Variants in ITGA2 observed in about 807,000 individuals in gnomAD.
The protein encoded by ITGA2 is integrin subunit alpha 2, also known as integrin alpha-2.
A neutral mutation model predicts 146.3 loss-of-function variants in ITGA2; 101 were observed. That is an observed-to-expected ratio of 0.69 (90% CI 0.59 to 0.81). The LOEUF is 0.81. Ranked by LOEUF, ITGA2 falls within the 40% of genes least tolerant of loss-of-function variation. The pLI is 0.00. For missense variants in ITGA2, 1,281 were observed against 1,402.7 expected, an observed-to-expected ratio of 0.91 and a Z score of 1.39; for synonymous variants, 477 against 487.1, an observed-to-expected ratio of 0.98 and a Z score of 0.27.
intron 1 of ITGA2, among the ~76,000 whole-genome samples, chr5:53,018,346 G>T (rs896392480): frequency 6.6e-6 from 1 of 152,136 alleles, no homozygotes; most frequent in Admixed American, 6.5e-5. Flanking sequence ...TCAGGTGTCC[G>T]TGGGGGTCGT....
chr5:53,088,498 C>T (rs1405333009), intron 28 of ITGA2, among the ~76,000 whole-genome samples: 1 of 151,934 alleles, frequency 6.6e-6, no homozygotes, highest in Non-Finnish European at 1.5e-5. Flanking sequence ...CCAGCTTGGC[C>T]AACATAGTGA....
chr5:53,090,429 G>C, intron 29 of ITGA2, 90 bp from the exon 30 acceptor site: 1 of 996,840 alleles, frequency 1.0e-6, no homozygotes. Flanking sequence ...TCCCAGAGGT[G>C]CATCAGAGGA....
chr5:53,042,268 A>G (rs776632338), intron 3 of ITGA2, 47 bp downstream of exon 3: 3 of 1,119,662 alleles, frequency 2.7e-6, no homozygotes, highest in Non-Finnish European at 4.1e-6. Context: ...CTTAGACTCA[A>G]CTGAAAAATA....
chr5:53,026,869 G>A lies in ITGA2; in HGVS notation c.185+1G>A. ...AGTTTATAAATCCAAAAGGCAACTG[G>A]TAAGAATATTCTCTTCTTTATGATT... On this transcript the variant is annotated splice_donor_variant, in intron 2 of 29. Coordinates refer to ENST00000296585, the MANE Select transcript of ITGA2 (RefSeq NM_002203.4). LOFTEE classifies it high-confidence loss of function. 1 of 1,610,798 alleles carries A rather than the reference G, an allele frequency of 6.2e-7. No individual in the cohort carries two copies. Among genetic ancestry groups the A allele is most frequent in the Non-Finnish European group, 8.5e-7 (1 of 1,177,120 alleles).
intron 1 of ITGA2, among the ~76,000 whole-genome samples, chr5:52,992,570 C>T (rs1369114029): frequency 1.3e-5 from 2 of 152,184 alleles, no homozygotes; most frequent in African/African-American, 4.8e-5. Context: ...CCCATGTTTT[C>T]AACCTCACAG....
intron 4 of ITGA2, among the ~76,000 whole-genome samples, chr5:53,045,337 A>G (rs1744024274): frequency 1.3e-5 from 2 of 152,222 alleles, no homozygotes; most frequent in Non-Finnish European, 2.9e-5. Context: ...AAGAACCCTG[A>G]TTCTTTGCCC....
intron 6 of ITGA2, 83 bp downstream of exon 6, chr5:53,048,853 A>G (rs2111914035): frequency 6.9e-7 from 1 of 1,452,624 alleles, no homozygotes; most frequent in Non-Finnish European, 9.5e-7. Flanking sequence ...TAATTTTTGT[A>G]TTTGCCAAAT....
At chr5:53,053,782 T>G (rs772551261) in intron 7 of ITGA2, among the ~76,000 whole-genome samples, 5 of 152,172 alleles carry the variant, frequency 3.3e-5, no homozygotes, top group Non-Finnish European at 7.3e-5. Context: ...TGTCTGTCTC[T>G]CATCTCTTTC....
chr5:53,081,775 A>C, intron 26 of ITGA2, 79 bp downstream of exon 26: 1 of 938,368 alleles, frequency 1.1e-6, no homozygotes, highest in South Asian at 1.4e-5. Context: ...TTCTCCTACC[A>C]GCTGATATCA....
chr5:53,051,627 A>G, intron 7 of ITGA2, 68 bp downstream of exon 7: 1 of 1,490,730 alleles, frequency 6.7e-7, no homozygotes. Context: ...AATAAATATG[A>G]AAAAGTAAGG....
intron 26 of ITGA2, among the ~76,000 whole-genome samples, chr5:53,081,999 A>T (rs187914266): frequency 6.6e-6 from 1 of 152,318 alleles, no homozygotes; most frequent in Non-Finnish European, 1.5e-5. Context: ...ATGTGAAGCT[A>T]TTGTGTTTAT....
chr5:53,065,736 T>C, intron 14 of ITGA2, 105 bp from the exon 15 acceptor site: 2 of 1,409,460 alleles, frequency 1.4e-6, no homozygotes, highest in Non-Finnish European at 2.0e-6. Flanking sequence ...ATAAACACAA[T>C]CTGGGACATT....
intron 1 of ITGA2, among the ~76,000 whole-genome samples, chr5:52,991,064 G>A (rs1265876611): frequency 6.6e-6 from 1 of 152,126 alleles, no homozygotes; most frequent in African/African-American, 2.4e-5. Context: ...GGAATGTAAC[G>A]CTGCAAGGCA....
rs769608735 is a variant in ITGA2 at position 53,090,650 on chromosome 5, G to T, written c.*51G>T. ...ACCGGCAGCATCCCAGCCAGGGTTTGCTGTTTGCGTGAATGGATTTCTTTT... is the reference window on the plus strand; with the variant it reads ...ACCGGCAGCATCCCAGCCAGGGTTTTCTGTTTGCGTGAATGGATTTCTTTT... On this transcript the variant is annotated 3_prime_UTR_variant, in exon 30 of 30. Transcript: ENST00000296585. 10 of 1,426,074 alleles carry T rather than the reference G, an allele frequency of 7.0e-6. No individual in the cohort carries two copies. In the Admixed American group the frequency reaches 8.4e-5, roughly 12 times the overall value. The allele number at this position is 1,426,074 out of a possible 1,614,324, so 88.3% of individuals were successfully genotyped here.
At chr5:53,042,976 A>C (rs1421938) in intron 3 of ITGA2, among the ~76,000 whole-genome samples, 104,794 of 151,938 alleles carry the variant, frequency 0.69, 36,535 homozygotes, top group Admixed American at 0.74. Context: ...GAAACAAGGG[A>C]AGTGGTGTTT....
chr5:53,021,848 A>G (rs1042839905), intron 1 of ITGA2, among the ~76,000 whole-genome samples: 1 of 152,184 alleles, frequency 6.6e-6, no homozygotes, highest in African/African-American at 2.4e-5. Context: ...CCACACCTCT[A>G]TTCCCAAGTC....
intron 1 of ITGA2, among the ~76,000 whole-genome samples, chr5:53,016,167 C>T (rs992386192): frequency 6.6e-6 from 1 of 152,130 alleles, no homozygotes; most frequent in South Asian, 2.1e-4. Context: ...TGTGTAGTTG[C>T]TTTATAGTGT....
At position 53,072,642 on chromosome 5, in the gene ITGA2, C is replaced by T. The variant is rs3212583; in HGVS notation, c.2376C>T (p.Asp792=). 145,996 of 1,608,102 alleles carry T rather than the reference C, an allele frequency of 0.091. 7,677 individuals carry two copies. The highest frequency in any genetic ancestry group is 0.21 in the African/African-American group (15,567 of 74,344). The change falls in exon 19 of 30, where the codon GAC becomes GAT. Residue 792 remains aspartate, a synonymous_variant. Coordinates refer to ENST00000296585, the MANE Select transcript of ITGA2 (RefSeq NM_002203.4). ...CTTTCCACAAAGACTGTGGTGAGGACGGACTTTGCATTTCTGATCTAGTCC... is the reference window on the plus strand; with the variant it reads ...CTTTCCACAAAGACTGTGGTGAGGATGGACTTTGCATTTCTGATCTAGTCC... ...SIPFHKDCGE[D]GLCISDLVLD...
In ITGA2 at chr5:53,067,121, A is replaced by C. The variant is rs1745186400; in HGVS notation, c.1947A>C (p.Ser649=). ...TGTTACTCTTTATGTCTTTTAGGTC[A>C]CAAAGTATTGCTGATGTAGCTATAG... The part of the protein sequence containing the change: ...GAFGQVVQLW[S]QSIADVAIEA... Residue 649 remains serine, a synonymous_variant, in exon 16 of 30, where the codon TCA becomes TCC. Coordinates refer to ENST00000296585, the MANE Select transcript of ITGA2 (RefSeq NM_002203.4). The C allele has an allele frequency of 6.2e-7, 1 of 1,610,286 alleles. No individual in the cohort carries two copies. Among genetic ancestry groups the C allele is most frequent in the South Asian group, 1.1e-5 (1 of 91,040 alleles).
Sources: gnomAD v4.1 joint callset for allele counts (sites outside exome capture counted in the v4.1 genomes callset) on GRCh38, gnomAD v4.1.1 for gene constraint, MANE v1.5 for transcripts, NCBI Gene and HGNC (gene_info 2026-07-23, HGNC 2026-07-21) for gene names.